Variants in ATP10A observed in about 807,000 individuals in gnomAD.
ATP10A encodes the protein ATPase phospholipid transporting 10A (putative).
Under a neutral mutation model 147.8 loss-of-function variants are expected in ATP10A, and 111 were observed. The observed-to-expected ratio is 0.75, with a 90% CI of 0.64 to 0.88. The LOEUF (loss-of-function observed/expected upper bound fraction) is 0.88, where lower values mean the gene tolerates loss of function less well. ATP10A is among the 40% of genes least tolerant of loss of function. The pLI, the probability that ATP10A is intolerant of heterozygous loss-of-function variation, is 0.00. For synonymous variants in ATP10A, 875 were observed against 841.6 expected (o/e 1.04, Z -0.69); for missense variants, 1,927 against 1,959.0 (o/e 0.98, Z 0.31).
intron 10 of ATP10A, chr15:25,708,503 T>A (rs1901191002): frequency 1.8e-6 from 1 of 551,228 alleles, no homozygotes; most frequent in East Asian, 3.2e-5. Context: ...TATTTTTTTA[T>A]AGAGACAGGG....
chr15:25,725,458 G>A (rs1167209991), intron 5 of ATP10A, among the ~76,000 whole-genome samples: 1 of 152,112 alleles, frequency 6.6e-6, no homozygotes, highest in Non-Finnish European at 1.5e-5. Flanking sequence ...CATGGATACC[G>A]AAGGACAGCT....
At position 25,781,034 on chromosome 15, in the gene ATP10A, G is replaced by A. The variant is rs954775189; in HGVS notation, c.639C>T (p.Arg213=). ...ETNLKRRQVV[R]GFSELVSEFN... ...GGTCACTTACAAGCTCCGAGAAGCCGCGGACCACCTGCCGCCGCTTCAGGT... is the reference window on the plus strand; with the variant it reads ...GGTCACTTACAAGCTCCGAGAAGCCACGGACCACCTGCCGCCGCTTCAGGT... The change falls in exon 2 of 21, where the codon CGC becomes CGT. Residue 213 remains arginine (R), a synonymous_variant. Transcript: ENST00000555815. 1.3e-5 allele frequency: 21 copies of A among 1,613,858 alleles called. No individual in the cohort carries two copies. Among genetic ancestry groups the A allele is most frequent in the Non-Finnish European group, 1.5e-5 (18 of 1,180,028 alleles).
Position 25,679,352 on chromosome 15 carries a change from G to T in ATP10A, c.4489C>A (p.Arg1497=). 6.6e-7 allele frequency: 1 copy of T among 1,510,152 alleles called. No individual in the cohort carries two copies. The allele number at this position is 1,510,152 out of a possible 1,614,324, so 93.5% of individuals were successfully genotyped here. A position where few individuals can be genotyped will look rare whatever the true frequency, so the allele number is the denominator to read the frequency against. The part of the protein sequence containing the change: ...HRLLIGASSR[R]SQ ...CCATTTCAAGGTTTTCACTGTGACCGCCTTGAAGATGCTCCTATAAGTAGT... is the reference window on the plus strand; with the variant it reads ...CCATTTCAAGGTTTTCACTGTGACCTCCTTGAAGATGCTCCTATAAGTAGT... Residue 1497 remains arginine, a synonymous_variant, in exon 21 of 21, where the codon CGG becomes AGG. Transcript: ENST00000555815.
intron 2 of ATP10A, among the ~76,000 whole-genome samples, chr15:25,763,455 A>T (rs1213837305): frequency 6.6e-6 from 1 of 152,184 alleles, no homozygotes; most frequent in Non-Finnish European, 1.5e-5. Flanking sequence ...CATCCCTTCC[A>T]GTACTGGGCT....
intron 2 of ATP10A, among the ~76,000 whole-genome samples, chr15:25,779,137 A>G (rs1037048753): frequency 2.0e-5 from 3 of 152,032 alleles, no homozygotes; most frequent in Non-Finnish European, 2.9e-5. Context: ...TCGGCCTCCC[A>G]AAGTGCTGGG....
At chr15:25,687,558 A>AT in intron 16 of ATP10A, 145 bp downstream of exon 16, 1 of 572,796 alleles carries the variant, frequency 1.7e-6, no homozygotes. Context: ...AGCCCAGGAC[A>AT]GGGGACAATT....
intron 1 of ATP10A, among the ~76,000 whole-genome samples, chr15:25,860,051 A>T (rs560790257): frequency 6.6e-6 from 1 of 152,262 alleles, no homozygotes; most frequent in South Asian, 2.1e-4. Flanking sequence ...TCTGCAGTCA[A>T]CCAAACGCAC....
At chr15:25,799,937 T>G (rs2140777170) in intron 1 of ATP10A, among the ~76,000 whole-genome samples, 1 of 151,906 alleles carries the variant, frequency 6.6e-6, no homozygotes, top group South Asian at 2.1e-4. Context: ...CCCAACAGAG[T>G]GGAAACAATT....
In ATP10A at chr15:25,711,616, G is replaced by A. The variant is rs570036366; in HGVS notation, c.2344+2058C>T. On this transcript the variant is annotated intron_variant, in intron 10 of 20. Coordinates refer to ENST00000555815, the MANE Select transcript of ATP10A (RefSeq NM_024490.4). The stretch of plus-strand genomic sequence containing the variant: ...CACTGCTTGGAAATTCCCAGAGGAA[G>A]GCGGAGATCAACACAAGCCCTTGAT... 4.6e-5 allele frequency among the ~76,000 whole-genome samples: 7 copies of A among 151,118 alleles called. No individual in the cohort carries two copies. The East Asian group carries it at 1.4e-3, about 30-fold the overall frequency.
chr15:25,740,449 G>A lies in ATP10A; in HGVS notation c.655-4308C>T, dbSNP rs546013943. 4.7e-4 allele frequency among the ~76,000 whole-genome samples: 72 copies of A among 152,310 alleles called. 1 individual carries two copies. Among genetic ancestry groups the A allele is most frequent in the South Asian group, 3.5e-3 (17 of 4,826 alleles). ...TGATGTGGGCAGAGAGAACCCTGGT[G>A]AGAGAATGCACAGAGAGCAGGGGCC... On this transcript the variant is annotated intron_variant, in intron 2 of 20. Transcript: ENST00000555815.
At chr15:25,720,949 C>G (rs1487014612) in intron 7 of ATP10A, among the ~76,000 whole-genome samples, 2 of 152,188 alleles carry the variant, frequency 1.3e-5, no homozygotes, top group Non-Finnish European at 2.9e-5. Flanking sequence ...GTTTCTGTCA[C>G]AGGCAGGAAA....
chr15:25,744,553 G>A (rs968798147), intron 2 of ATP10A, among the ~76,000 whole-genome samples: 1 of 152,178 alleles, frequency 6.6e-6, no homozygotes, highest in Non-Finnish European at 1.5e-5. Flanking sequence ...AATCATGCTT[G>A]CTGTGATCAT....
Position 25,713,783 on chromosome 15 carries a change from G to C in ATP10A, c.2235C>G (p.Val745=), listed in dbSNP as rs896183781. 1.2e-6 allele frequency: 2 copies of C among 1,614,044 alleles called. No homozygotes were observed. Among genetic ancestry groups the C allele is most frequent in the African/African-American group, 2.7e-5 (2 of 74,944 alleles). The change falls in exon 10 of 21, where the codon GTC becomes GTG. Residue 745 remains valine (V), a synonymous_variant. Coordinates refer to ENST00000555815, the MANE Select transcript of ATP10A (RefSeq NM_024490.4). ...ELLHTLGFDS[V]RKRMSVVIRH... is the part of the protein sequence containing the mutation. ...GGATCACCACTGACATCCTCTTGCGGACGGAATCGAAACCCAGTGTGTGCA... is the reference window on the plus strand; with the variant it reads ...GGATCACCACTGACATCCTCTTGCGCACGGAATCGAAACCCAGTGTGTGCA...
At chr15:25,832,590 CT>C (rs1207648244) in intron 1 of ATP10A, among the ~76,000 whole-genome samples, 3 of 151,152 alleles carry the variant, frequency 2.0e-5, no homozygotes, top group Non-Finnish European at 4.4e-5. Context: ...AACACATTTC[CT>C]TTTTTGAATA....
intron 1 of ATP10A, among the ~76,000 whole-genome samples, chr15:25,825,915 A>AAAACCATG (rs1203289121): frequency 5.3e-5 from 8 of 152,200 alleles, no homozygotes; most frequent in African/African-American, 1.9e-4. Flanking sequence ...AAAATTAAAG[A>AAAACCATG]AAACCATGTC....
intron 1 of ATP10A, among the ~76,000 whole-genome samples, chr15:25,806,096 C>T (rs530278621): frequency 2.0e-5 from 3 of 152,222 alleles, no homozygotes; most frequent in Non-Finnish European, 2.9e-5. Context: ...TACACAGGTC[C>T]ATATACATGT....
intron 1 of ATP10A, among the ~76,000 whole-genome samples, chr15:25,822,812 T>C (rs1891945553): frequency 6.6e-6 from 1 of 152,238 alleles, no homozygotes. Context: ...GTTGAATCAA[T>C]GTTTAACTGC....
chr15:25,682,967 A>G (rs1295157511), intron 17 of ATP10A, among the ~76,000 whole-genome samples: 1 of 152,082 alleles, frequency 6.6e-6, no homozygotes, highest in Non-Finnish European at 1.5e-5. Context: ...TTCCCGTTCA[A>G]AATAAGTCAC....
At chr15:25,764,347 A>T (rs1473736575) in intron 2 of ATP10A, among the ~76,000 whole-genome samples, 1 of 152,182 alleles carries the variant, frequency 6.6e-6, no homozygotes, top group Non-Finnish European at 1.5e-5. Flanking sequence ...GTTAAAACTT[A>T]GCCCTTAGAA....
Sources: gnomAD v4.1 joint callset for allele counts (sites outside exome capture counted in the v4.1 genomes callset) on GRCh38, gnomAD v4.1.1 for gene constraint, MANE v1.5 for transcripts, NCBI Gene and HGNC (gene_info 2026-07-23, HGNC 2026-07-21) for gene names.